ROBO2: variants seen among roughly 807,000 people sequenced by gnomAD.
ROBO2 encodes roundabout homolog 2.
A neutral mutation model predicts 160.8 loss-of-function variants in ROBO2; 53 were observed. The ratio of observed to expected loss-of-function variants is 0.33; its 90% CI spans 0.26 to 0.41. The LOEUF (loss-of-function observed/expected upper bound fraction) is 0.41. ROBO2 is among the 10% of genes least tolerant of loss of function. The pLI is 1.00. For synonymous variants in ROBO2, 664 were observed against 611.7 expected, an observed-to-expected ratio of 1.09 and a Z score of -1.26; for missense variants, 1,577 against 1,722.4, an observed-to-expected ratio of 0.92 and a Z score of 1.49.
At chr3:76,844,490 A>C (rs2148492343) in intron 2 of ROBO2, among the ~76,000 whole-genome samples, 1 of 152,054 alleles carries the variant, frequency 6.6e-6, no homozygotes, top group South Asian at 2.1e-4. Flanking sequence ...CGTGAATAGT[A>C]TTTCAAAAAA....
intron 2 of ROBO2, among the ~76,000 whole-genome samples, chr3:76,177,575 CCTT>C (rs773734373): frequency 6.6e-4 from 101 of 152,222 alleles, no homozygotes; most frequent in Middle Eastern, 3.4e-3. Context: ...GATTTTTGCT[CCTT>C]CTTAATGTTC....
intron 4 of ROBO2, among the ~76,000 whole-genome samples, chr3:77,484,216 A>G (rs1017572887): frequency 1.3e-5 from 2 of 152,018 alleles, no homozygotes; most frequent in East Asian, 1.9e-4. Flanking sequence ...GGCCCAATCT[A>G]TACACCTTCC....
chr3:76,436,630 A>C (rs1478973011), intron 2 of ROBO2, among the ~76,000 whole-genome samples: 1 of 152,158 alleles, frequency 6.6e-6, no homozygotes. Flanking sequence ...ATAAACCTTG[A>C]TGTGCTTAAA....
chr3:76,924,084 TG>T (rs2149008582), intron 2 of ROBO2, among the ~76,000 whole-genome samples: 1 of 152,342 alleles, frequency 6.6e-6, no homozygotes, highest in Non-Finnish European at 1.5e-5. Context: ...AGCGACAGTA[TG>T]TAGACCATCA....
At chr3:76,159,098 C>T (rs150327672) in intron 2 of ROBO2, among the ~76,000 whole-genome samples, 160 of 152,236 alleles carry the variant, frequency 1.1e-3, no homozygotes, top group African/African-American at 3.7e-3. Flanking sequence ...AAATGTCCCT[C>T]CTAGCTTGCA....
intron 2 of ROBO2, among the ~76,000 whole-genome samples, chr3:76,874,751 T>C (rs2072515893): frequency 6.6e-6 from 1 of 152,070 alleles, no homozygotes; most frequent in Non-Finnish European, 1.5e-5. Context: ...ATTTGAGAGA[T>C]GATCATTTAA....
chr3:75,984,799 T>C (rs2065370244), intron 2 of ROBO2, among the ~76,000 whole-genome samples: 1 of 151,264 alleles, frequency 6.6e-6, no homozygotes, highest in Admixed American at 6.6e-5. Flanking sequence ...GGCTTAGGGG[T>C]CTATTTCTGA....
At chr3:76,733,179 T>C (rs559359025) in intron 2 of ROBO2, among the ~76,000 whole-genome samples, 10 of 152,222 alleles carry the variant, frequency 6.6e-5, no homozygotes, top group African/African-American at 9.6e-5. Context: ...GAATGTTGAT[T>C]CTTCAGGCTG....
At chr3:75,924,681 C>CTTTTTTTTTTTTTTTTTTTTTTT (rs60599175) in intron 1 of ROBO2, among the ~76,000 whole-genome samples, 2 of 66,018 alleles carry the variant, frequency 3.0e-5, no homozygotes, top group Non-Finnish European at 2.5e-5. Flanking sequence ...ATTTTCTTTT[C>CTTTTTTTTTTTTTTTTTTTTTTT]TTTTTTTTTT....
intron 2 of ROBO2, among the ~76,000 whole-genome samples, chr3:75,981,610 TTTTTA>T (rs1439779122): frequency 6.6e-6 from 1 of 151,200 alleles, no homozygotes; most frequent in Non-Finnish European, 1.5e-5. Context: ...TTTAAATTGT[TTTTTA>T]TTTTTATTAT....
chr3:76,560,394 G>A (rs1379886627), intron 2 of ROBO2, among the ~76,000 whole-genome samples: 3 of 151,958 alleles, frequency 2.0e-5, no homozygotes, highest in African/African-American at 4.8e-5. Flanking sequence ...TTGAAAAAGA[G>A]CTATCAAATA....
chr3:76,471,148 G>A (rs1046401081), intron 2 of ROBO2, among the ~76,000 whole-genome samples: 4 of 151,968 alleles, frequency 2.6e-5, no homozygotes, highest in Non-Finnish European at 5.9e-5. Flanking sequence ...TGTATCATTG[G>A]ACACTGTAAT....
At chr3:77,130,143 G>A (rs2075717879) in intron 2 of ROBO2, among the ~76,000 whole-genome samples, 1 of 152,116 alleles carries the variant, frequency 6.6e-6, no homozygotes. Flanking sequence ...TCATGTAGTT[G>A]TAAGAGGGTC....
upstream of ROBO2, among the ~76,000 whole-genome samples, chr3:77,038,656 TG>T (rs909357425): frequency 6.6e-6 from 1 of 152,126 alleles, no homozygotes; most frequent in Non-Finnish European, 1.5e-5. Flanking sequence ...TCTCATCATC[TG>T]AACAAGCATC....
intron 2 of ROBO2, among the ~76,000 whole-genome samples, chr3:76,712,500 C>T (rs933090707): frequency 1.3e-5 from 2 of 151,852 alleles, no homozygotes; most frequent in Non-Finnish European, 2.9e-5. Context: ...CATGGTGAAA[C>T]CTCATCTCTA....
At chr3:77,522,277 A>T (rs1019351631) in intron 5 of ROBO2, among the ~76,000 whole-genome samples, 4 of 151,272 alleles carry the variant, frequency 2.6e-5, no homozygotes, top group African/African-American at 7.3e-5. Context: ...AATTGATTAC[A>T]TACCCTTAAT....
intron 2 of ROBO2, among the ~76,000 whole-genome samples, chr3:76,740,295 T>A (rs1257975509): frequency 6.6e-6 from 1 of 152,138 alleles, no homozygotes; most frequent in Non-Finnish European, 1.5e-5. Flanking sequence ...CAAAATAAAT[T>A]GTTTCCTTTT....
chr3:77,208,591 G>T (rs2083717659), intron 2 of ROBO2, among the ~76,000 whole-genome samples: 1 of 152,032 alleles, frequency 6.6e-6, no homozygotes, highest in African/African-American at 2.4e-5. Context: ...CCATTTGAAT[G>T]GACAGAACTA....
intron 3 of ROBO2, among the ~76,000 whole-genome samples, chr3:77,479,317 G>A (rs1443919960): frequency 6.6e-6 from 1 of 152,152 alleles, no homozygotes; most frequent in African/African-American, 2.4e-5. Context: ...CTTCTTTGGT[G>A]ATTAATCTTT....
Sources: allele counts gnomAD v4.1 joint callset (sites outside exome capture counted in the v4.1 genomes callset), GRCh38; gene constraint gnomAD v4.1.1; transcripts MANE v1.5; gene names NCBI Gene and HGNC (gene_info 2026-07-23, HGNC 2026-07-21).